The following MTUS2 variants were observed in gnomAD, a reference collection of about 807,000 sequenced individuals.
MTUS2 encodes microtubule-associated tumor suppressor candidate 2.
MTUS2 carries 40 observed loss-of-function variants against 114.1 expected under a neutral mutation model. That is an observed-to-expected ratio of 0.35 (90% CI 0.27 to 0.46). MTUS2 has a LOEUF of 0.46. MTUS2 is among the 20% of genes least tolerant of loss of function. The pLI, the probability that MTUS2 is intolerant of heterozygous loss-of-function variation, is 1.00. For synonymous variants in MTUS2, 688 were observed against 672.0 expected (o/e 1.02, Z -0.37); for missense variants, 1,679 against 1,705.4 (o/e 0.98, Z 0.27).
intron 2 of MTUS2, among the ~76,000 whole-genome samples, chr13:29,018,590 G>A (rs911570830): frequency 2.6e-5 from 4 of 152,042 alleles, no homozygotes; most frequent in South Asian, 4.1e-4. Flanking sequence ...GTGAAACCCC[G>A]TCTCTACTAA....
chr13:29,187,838 C>G (rs1214295619), intron 5 of MTUS2, among the ~76,000 whole-genome samples: 2 of 152,152 alleles, frequency 1.3e-5, no homozygotes, highest in East Asian at 3.9e-4. Context: ...CATAAACATT[C>G]TGTGTTGATT....
intron 1 of MTUS2, among the ~76,000 whole-genome samples, chr13:28,821,243 C>CA (rs1873876903): frequency 6.6e-6 from 1 of 152,060 alleles, no homozygotes; most frequent in Non-Finnish European, 1.5e-5. Flanking sequence ...TGGAGATAAG[C>CA]AGTGGTCTTA....
chr13:28,903,594 C>T (rs1879786103), intron 2 of MTUS2, among the ~76,000 whole-genome samples: 1 of 151,776 alleles, frequency 6.6e-6, no homozygotes, highest in Non-Finnish European at 1.5e-5. Context: ...GACATGAACT[C>T]ATCATTTTTT....
At chr13:29,359,213 A>G (rs1194190293) in intron 7 of MTUS2, 49 bp from the exon 8 acceptor site, 1 of 1,517,168 alleles carries the variant, frequency 6.6e-7, no homozygotes, top group African/African-American at 1.4e-5. Flanking sequence ...TCACATGTGT[A>G]CTGAGTGTTT....
chr13:29,499,021 C>T (rs907254642), intron 14 of MTUS2, among the ~76,000 whole-genome samples: 4 of 152,204 alleles, frequency 2.6e-5, no homozygotes, highest in Admixed American at 1.3e-4. Flanking sequence ...GGCCAGGGAT[C>T]TCCCTGGGGC....
intron 5 of MTUS2, among the ~76,000 whole-genome samples, chr13:29,125,192 G>A (rs1891464227): frequency 6.6e-6 from 1 of 152,224 alleles, no homozygotes; most frequent in Non-Finnish European, 1.5e-5. Flanking sequence ...GGGCTAAAAT[G>A]TCACTTTGAT....
chr13:29,476,265 T>C (rs1365135430), intron 9 of MTUS2, among the ~76,000 whole-genome samples: 1 of 152,194 alleles, frequency 6.6e-6, no homozygotes, highest in Non-Finnish European at 1.5e-5. Context: ...ATAAAGCATT[T>C]GTCAGAACGT....
At chr13:28,920,669 G>T (rs536675493) in intron 2 of MTUS2, among the ~76,000 whole-genome samples, 2 of 152,130 alleles carry the variant, frequency 1.3e-5, no homozygotes, top group Non-Finnish European at 2.9e-5. Context: ...GCCCTGAGTG[G>T]GTCCAAAGAT....
intron 7 of MTUS2, among the ~76,000 whole-genome samples, chr13:29,356,382 A>G (rs575917681): frequency 6.6e-6 from 1 of 152,332 alleles, no homozygotes; most frequent in East Asian, 1.9e-4. Context: ...GCAGATGTGC[A>G]TTCTAGCTTC....
intron 5 of MTUS2, among the ~76,000 whole-genome samples, chr13:29,136,016 A>T (rs1409269325): frequency 6.6e-6 from 1 of 152,246 alleles, no homozygotes; most frequent in Non-Finnish European, 1.5e-5. Context: ...TAGACTCTTA[A>T]GTCCCATAGA....
Position 29,025,158 on chromosome 13 carries a change from A to G in MTUS2, c.460A>G (p.Ile154Val). The G allele has an allele frequency of 6.2e-7, 1 of 1,613,978 alleles. No individual in the cohort carries two copies. Among genetic ancestry groups the G allele is most frequent in the Non-Finnish European group, 8.5e-7 (1 of 1,179,892 alleles). Residue 154 changes from isoleucine to valine, a missense_variant, in exon 3 of 16, where the codon ATT becomes GTT. Transcript: ENST00000612955. ...LDVLAKRDAEIPRHVPKDKLA... is the reference protein window; with the variant it reads ...LDVLAKRDAEVPRHVPKDKLA... ...CGTTTTGGCTAAAAGGGATGCTGAA[A>G]TTCCCCGGCATGTTCCCAAGGATAA...
intron 2 of MTUS2, among the ~76,000 whole-genome samples, chr13:28,868,875 G>A (rs1031695743): frequency 1.3e-5 from 2 of 152,178 alleles, no homozygotes; most frequent in Admixed American, 6.5e-5. Flanking sequence ...TGTCAGACTA[G>A]ACTTTGGGAA....
At chr13:28,917,255 A>T (rs962175986) in intron 2 of MTUS2, among the ~76,000 whole-genome samples, 1 of 151,804 alleles carries the variant, frequency 6.6e-6, no homozygotes, top group African/African-American at 2.4e-5. Context: ...TGGTTTTGGT[A>T]TCAGGGTAAT....
intron 2 of MTUS2, among the ~76,000 whole-genome samples, chr13:28,952,581 G>A (rs559093691): frequency 2.6e-5 from 4 of 152,120 alleles, no homozygotes; most frequent in East Asian, 3.9e-4. Context: ...GGTAACCCAC[G>A]TGAATTACTT....
intron 8 of MTUS2, among the ~76,000 whole-genome samples, chr13:29,362,903 C>T (rs1459933968): frequency 6.6e-6 from 1 of 152,184 alleles, no homozygotes; most frequent in Non-Finnish European, 1.5e-5. Context: ...TGAAAGTTGT[C>T]AGCTCTAACA....
intron 2 of MTUS2, among the ~76,000 whole-genome samples, chr13:28,986,553 C>T (rs142222935): frequency 9.2e-5 from 14 of 152,276 alleles, no homozygotes; most frequent in African/African-American, 2.4e-4. Context: ...TAATGTTCAC[C>T]GTGTCCCCTG....
intron 5 of MTUS2, among the ~76,000 whole-genome samples, chr13:29,280,598 A>G (rs146385140): frequency 1.1e-4 from 17 of 152,306 alleles, no homozygotes; most frequent in East Asian, 7.7e-4. Flanking sequence ...TCTAAATACA[A>G]TGTTTAGACT....
chr13:28,934,481 A>C (rs7984370), intron 2 of MTUS2, among the ~76,000 whole-genome samples: 12,731 of 152,178 alleles, frequency 0.084, 592 homozygotes, highest in South Asian at 0.13. Context: ...ACCTCGGAGA[A>C]GTTCTCAGAA....
chr13:29,494,856 T>C (rs1291726667), intron 12 of MTUS2, among the ~76,000 whole-genome samples: 4 of 151,804 alleles, frequency 2.6e-5, no homozygotes, highest in Non-Finnish European at 5.9e-5. Flanking sequence ...CTGGCCAACA[T>C]GGTGAAACCT....
Sources: gnomAD v4.1 joint callset for allele counts (sites outside exome capture counted in the v4.1 genomes callset) on GRCh38, gnomAD v4.1.1 for gene constraint, MANE v1.5 for transcripts, NCBI Gene and HGNC (gene_info 2026-07-23, HGNC 2026-07-21) for gene names.